Variants in GRAMD1B observed in about 807,000 individuals in gnomAD.
The protein encoded by GRAMD1B is GRAM domain containing 1B.
In GRAMD1B, 37 loss-of-function variants were observed where a neutral mutation model predicts 99.7. The observed-to-expected ratio is 0.37, with a 90% confidence interval of 0.29 to 0.49. GRAMD1B has a LOEUF of 0.49. Ranked by LOEUF, GRAMD1B falls within the 20% of genes least tolerant of loss-of-function variation. The pLI is 0.98. For missense variants in GRAMD1B, 888 were observed against 1,009.2 expected (o/e 0.88, Z 1.63); for synonymous variants, 427 against 387.6 (o/e 1.10, Z -1.19).
At chr11:123,482,637 A>C (rs1951676410) in intron 2 of GRAMD1B, among the ~76,000 whole-genome samples, 1 of 152,252 alleles carries the variant, frequency 6.6e-6, no homozygotes, top group Admixed American at 6.5e-5. Flanking sequence ...AAACAAAAGA[A>C]GAAGATGTCA....
At chr11:123,548,317 T>TACACACAC (rs1298307128) in intron 2 of GRAMD1B, among the ~76,000 whole-genome samples, 174 of 96,782 alleles carry the variant, frequency 1.8e-3, no homozygotes, top group East Asian at 5.7e-3. Flanking sequence ...TATATATATA[T>TACACACAC]ATATATATAC....
At chr11:123,535,240 TA>T (rs147220672) in intron 2 of GRAMD1B, among the ~76,000 whole-genome samples, 52,767 of 147,094 alleles carry the variant, frequency 0.36, 9,347 homozygotes, top group East Asian at 0.44. Flanking sequence ...GCTTTCCATT[TA>T]AAAAAAAAAA....
intron 1 of GRAMD1B, among the ~76,000 whole-genome samples, chr11:123,410,356 T>C (rs1948001012): frequency 6.6e-6 from 1 of 151,868 alleles, no homozygotes; most frequent in African/African-American, 2.4e-5. Flanking sequence ...GAAAATGTTA[T>C]GATGGGGTGG....
chr11:123,409,301 A>G (rs1451892344), intron 1 of GRAMD1B, among the ~76,000 whole-genome samples: 2 of 152,226 alleles, frequency 1.3e-5, no homozygotes, highest in African/African-American at 2.4e-5. Context: ...ACAAAGTAGC[A>G]TCCCACCTAT....
At chr11:123,600,446 G>A (rs1400892190) in intron 7 of GRAMD1B, 22 bp from the exon 8 acceptor site, 2 of 1,476,722 alleles carry the variant, frequency 1.4e-6, no homozygotes, top group East Asian at 4.5e-5. Flanking sequence ...GATATTTATT[G>A]TTATTTTCTT....
At chr11:123,420,920 A>C (rs1159382200) in intron 1 of GRAMD1B, among the ~76,000 whole-genome samples, 1 of 152,206 alleles carries the variant, frequency 6.6e-6, no homozygotes, top group Non-Finnish European at 1.5e-5. Context: ...TGCTCATGAA[A>C]TCTTAGGTGA....
upstream of GRAMD1B, among the ~76,000 whole-genome samples, chr11:123,430,180 C>T (rs1162329123): frequency 1.3e-5 from 2 of 152,116 alleles, no homozygotes; most frequent in East Asian, 3.9e-4. Flanking sequence ...AGTGCTAGCC[C>T]ATTCAGGATA....
At chr11:123,360,213 T>G (rs1324712775) in intron 1 of GRAMD1B, among the ~76,000 whole-genome samples, 1 of 152,210 alleles carries the variant, frequency 6.6e-6, no homozygotes. Flanking sequence ...GATAGGAAAG[T>G]GTAGACATGT....
intron 1 of GRAMD1B, among the ~76,000 whole-genome samples, chr11:123,460,863 T>G (rs1839403597): frequency 6.6e-6 from 1 of 152,156 alleles, no homozygotes; most frequent in African/African-American, 2.4e-5. Flanking sequence ...CTACGTTTCC[T>G]TTGTCCCTTT....
chr11:123,436,645 G>A (rs1417559467), intron 1 of GRAMD1B, among the ~76,000 whole-genome samples: 2 of 152,180 alleles, frequency 1.3e-5, no homozygotes, highest in African/African-American at 4.8e-5. Flanking sequence ...CTGCTGTTCC[G>A]TGTAGTGGGG....
At chr11:123,491,635 G>T (rs1938570444) in intron 2 of GRAMD1B, 1 of 366,188 alleles carries the variant, frequency 2.7e-6, no homozygotes, top group African/African-American at 2.1e-5. Context: ...AGGCAGAGGG[G>T]ATCTCGGTAA....
rs909533987 is a variant in GRAMD1B, at chr11:123,591,510, G to A, written c.685-2572G>A. ...CATGCACCTGCTGCCGCTGAACACC[G>A]TTGCTGGCACGGATCTGAGGAAATC... is the stretch of plus-strand genomic sequence containing the variant. On this transcript the variant is annotated intron_variant, in intron 4 of 19. Coordinates refer to ENST00000635736, the MANE Select transcript of GRAMD1B (RefSeq NM_001387025.1). This position sits in a 1 kb window ranked among gnomAD's most constrained non-coding sequence, Gnocchi z 4.7. The A allele has an allele frequency of 2.3e-5, 9 of 399,038 alleles. No homozygotes were observed. The highest frequency in any genetic ancestry group is 1.3e-4 in the South Asian group (1 of 7,852). The allele number at this position is 399,038 out of a possible 1,614,324, so 24.7% of individuals were successfully genotyped here.
upstream of GRAMD1B, among the ~76,000 whole-genome samples, chr11:123,427,470 G>A (rs1288869666): frequency 2.0e-5 from 3 of 152,194 alleles, no homozygotes; most frequent in African/African-American, 7.2e-5. Context: ...ACAGGATACT[G>A]GAGAGAATTA....
chr11:123,574,242 C>G (rs371006026), intron 2 of GRAMD1B, among the ~76,000 whole-genome samples: 4 of 152,040 alleles, frequency 2.6e-5, no homozygotes, highest in Non-Finnish European at 5.9e-5. Context: ...AATATGCAAG[C>G]CCTTTAAGAG....
At chr11:123,585,330 T>C (rs1028374120) in intron 4 of GRAMD1B, among the ~76,000 whole-genome samples, 5 of 152,166 alleles carry the variant, frequency 3.3e-5, no homozygotes, top group Admixed American at 6.5e-5. Flanking sequence ...TTGTGTGGGC[T>C]GTGTGTGTTT....
At chr11:123,537,127 A>G (rs1944049269) in intron 2 of GRAMD1B, among the ~76,000 whole-genome samples, 1 of 152,208 alleles carries the variant, frequency 6.6e-6, no homozygotes, top group Admixed American at 6.5e-5. Flanking sequence ...CAAGCATAAA[A>G]GGATGAGTCA....
intron 17 of GRAMD1B, among the ~76,000 whole-genome samples, chr11:123,617,884 G>C (rs1329971195): frequency 6.6e-6 from 1 of 152,046 alleles, no homozygotes; most frequent in African/African-American, 2.4e-5. Flanking sequence ...CCAGCCCCTG[G>C]ATGATCCTTG....
intron 4 of GRAMD1B, among the ~76,000 whole-genome samples, chr11:123,585,943 T>G (rs553535423): frequency 6.8e-4 from 104 of 152,184 alleles, no homozygotes; most frequent in Middle Eastern, 3.4e-3. Context: ...TTCTCAGCCC[T>G]TTGCTTTCTG....
chr11:123,568,610 G>A (rs1947680584), intron 2 of GRAMD1B, among the ~76,000 whole-genome samples: 1 of 152,208 alleles, frequency 6.6e-6, no homozygotes, highest in Admixed American at 6.5e-5. Flanking sequence ...TAGGAACTGT[G>A]ACAGGGAAGA....
Sources: allele counts gnomAD v4.1 joint callset (sites outside exome capture counted in the v4.1 genomes callset), GRCh38; gene constraint gnomAD v4.1.1; non-coding constraint Gnocchi (gnomAD v3.1); transcripts MANE v1.5; gene names NCBI Gene and HGNC (gene_info 2026-07-23, HGNC 2026-07-21).